NPHP1: variants seen among roughly 807,000 people sequenced by gnomAD.
The protein encoded by NPHP1 is nephrocystin 1.
NPHP1 carries 70 observed loss-of-function variants against 90.4 expected under a neutral mutation model. The ratio of observed to expected loss-of-function variants is 0.77; its 90% confidence interval spans 0.64 to 0.95. The LOEUF is 0.95. NPHP1 is among the 40% of genes least tolerant of loss of function. The pLI is 0.00. For missense variants in NPHP1, 764 were observed against 795.9 expected (o/e 0.96, Z 0.48); for synonymous variants, 256 against 271.7 (o/e 0.94, Z 0.57).
rs1682885899 is a variant in NPHP1 at position 110,168,571 on chromosome 2, T to TA, written c.523-19dup. The TA allele has an allele frequency of 6.9e-7, 1 of 1,444,008 alleles. No homozygotes were observed. Among genetic ancestry groups the TA allele is most frequent in the African/African-American group, 1.4e-5 (1 of 71,524 alleles). The allele number at this position is 1,444,008 out of a possible 1,614,324, so 89.4% of individuals were successfully genotyped here. A position where few individuals can be genotyped will look rare whatever the true frequency, so the allele number is the denominator to read the frequency against. On this transcript the variant is annotated intron_variant, in intron 5 of 19. Coordinates refer to ENST00000445609, the MANE Select transcript of NPHP1 (RefSeq NM_001128178.3). ...TCCCCTTTCTTAAAGCAAAACAAAG[T>TA]AAACCATTTTAAATAAAATTCAATA...
chr2:110,124,360 AG>A, intron 19 of NPHP1: 1 of 473,466 alleles, frequency 2.1e-6, no homozygotes, highest in Non-Finnish European at 3.9e-6. Flanking sequence ...AAGGTATTGC[AG>A]TCTAATTTTG....
At chr2:110,203,910 T>C (rs1455874181) in intron 1 of NPHP1, among the ~76,000 whole-genome samples, 1 of 151,872 alleles carries the variant, frequency 6.6e-6, no homozygotes, top group Non-Finnish European at 1.5e-5. Context: ...CTGGTACTAC[T>C]AGCATGAGCC....
chr2:110,156,234 T>C (rs1681879684), intron 11 of NPHP1, among the ~76,000 whole-genome samples: 1 of 151,776 alleles, frequency 6.6e-6, no homozygotes, highest in Non-Finnish European at 1.5e-5. Flanking sequence ...CATGCCACCA[T>C]GGGGGCAGGT....
chr2:110,184,439 C>T, intron 2 of NPHP1: 1 of 682,386 alleles, frequency 1.5e-6, no homozygotes. Flanking sequence ...CCAACGTTTT[C>T]TTCAAGAGCT....
At chr2:110,155,624 G>GGA (rs1681835007) in intron 11 of NPHP1, among the ~76,000 whole-genome samples, 1 of 152,178 alleles carries the variant, frequency 6.6e-6, no homozygotes, top group African/African-American at 2.4e-5. Context: ...TGGAGTCAAA[G>GGA]GAGATCATTT....
chr2:110,202,532 A>G, intron 1 of NPHP1: 1 of 419,498 alleles, frequency 2.4e-6, no homozygotes, highest in Non-Finnish European at 5.0e-6. Flanking sequence ...CTTTCCAGAT[A>G]GTCAAGGTAT....
intron 2 of NPHP1, 140 bp from the exon 3 acceptor site, chr2:110,179,824 G>T: frequency 1.9e-6 from 1 of 521,640 alleles, no homozygotes; most frequent in Non-Finnish European, 3.5e-6. Flanking sequence ...ACATATAAAT[G>T]CTTTTCCACC....
chr2:110,129,102 A>G (rs1035611749), intron 18 of NPHP1, 84 bp downstream of exon 18: 3 of 688,566 alleles, frequency 4.4e-6, no homozygotes, highest in Non-Finnish European at 6.9e-6. Flanking sequence ...AACAAAAAAA[A>G]AGGCCTAGAC....
intron 2 of NPHP1, among the ~76,000 whole-genome samples, chr2:110,190,516 C>T (rs368931513): frequency 3.3e-5 from 5 of 152,226 alleles, no homozygotes; most frequent in African/African-American, 4.8e-5. Flanking sequence ...CACGCCCACC[C>T]GGAACTCACG....
intron 2 of NPHP1, among the ~76,000 whole-genome samples, chr2:110,196,178 T>G (rs1001471593): frequency 6.6e-6 from 1 of 151,986 alleles, no homozygotes; most frequent in African/African-American, 2.4e-5. Context: ...CTAAAGAGCT[T>G]CTGCACAGCA....
chr2:110,182,644 G>A (rs574650487), intron 2 of NPHP1, among the ~76,000 whole-genome samples: 2 of 152,142 alleles, frequency 1.3e-5, no homozygotes, highest in South Asian at 4.2e-4. Flanking sequence ...CTGAAGGAAG[G>A]ACTAAATACG....
At chr2:110,150,501 G>A (rs149736086) in intron 11 of NPHP1, among the ~76,000 whole-genome samples, 2 of 152,232 alleles carry the variant, frequency 1.3e-5, no homozygotes, top group East Asian at 3.9e-4. Flanking sequence ...TAATATCTGA[G>A]ATAGGTTTGC....
At chr2:110,169,687 T>C in intron 5 of NPHP1, 119 bp downstream of exon 5, 1 of 717,814 alleles carries the variant, frequency 1.4e-6, no homozygotes, top group East Asian at 2.7e-5. Flanking sequence ...CTTATTTAAA[T>C]AGATTGTTAT....
intron 6 of NPHP1, among the ~76,000 whole-genome samples, chr2:110,165,918 T>C (rs1282896772): frequency 6.6e-6 from 1 of 152,072 alleles, no homozygotes; most frequent in Non-Finnish European, 1.5e-5. Context: ...CACAAATACA[T>C]AAAATATTAT....
chr2:110,149,710 T>G, intron 12 of NPHP1, among the ~76,000 whole-genome samples: 1 of 152,142 alleles, frequency 6.6e-6, no homozygotes, highest in East Asian at 1.9e-4. Context: ...CAATTGATAC[T>G]ATAAAAACAA....
intron 2 of NPHP1, among the ~76,000 whole-genome samples, chr2:110,193,259 C>T (rs962004599): frequency 6.6e-6 from 1 of 152,014 alleles, no homozygotes; most frequent in African/African-American, 2.4e-5. Flanking sequence ...ATTCAGGAAA[C>T]CCATCTCATG....
intron 11 of NPHP1, among the ~76,000 whole-genome samples, chr2:110,155,266 G>C (rs1333558519): frequency 6.6e-6 from 1 of 152,194 alleles, no homozygotes; most frequent in Non-Finnish European, 1.5e-5. Context: ...GAGGATGTAT[G>C]ATATGTCTGA....
chr2:110,124,560 G>T, intron 19 of NPHP1: 1 of 224,730 alleles, frequency 4.4e-6, no homozygotes, highest in Non-Finnish European at 9.0e-6. Flanking sequence ...GGGTCCTTTG[G>T]TGATGAGGAT....
chr2:110,134,529 AG>A (rs1680022260), intron 16 of NPHP1, among the ~76,000 whole-genome samples: 1 of 150,626 alleles, frequency 6.6e-6, no homozygotes, highest in Admixed American at 6.6e-5. Flanking sequence ...CAATACTACA[AG>A]AAAAAAAAAA....
Sources: allele counts gnomAD v4.1 joint callset (sites outside exome capture counted in the v4.1 genomes callset), GRCh38; gene constraint gnomAD v4.1.1; transcripts MANE v1.5; gene names NCBI Gene and HGNC (gene_info 2026-07-23, HGNC 2026-07-21).